The following ANGPTL2 variants were observed in gnomAD, a reference collection of about 807,000 sequenced individuals.
The protein encoded by ANGPTL2 is angiopoietin-related protein 2.
ANGPTL2 carries 25 observed loss-of-function variants against 52.8 expected under a neutral mutation model. The ratio of observed to expected loss-of-function variants is 0.47; its 90% CI spans 0.35 to 0.66. ANGPTL2 has a LOEUF of 0.66. Among genes scored for constraint, ANGPTL2 ranks in the 30% least tolerant of loss-of-function variants. ANGPTL2 has a pLI of 0.01. For synonymous variants in ANGPTL2, 276 were observed against 277.4 expected (o/e 1.00, Z 0.05); for missense variants, 546 against 656.9 (o/e 0.83, Z 1.84).
chr9:127,094,977 A>G (rs1195515667), intron 2 of ANGPTL2, among the ~76,000 whole-genome samples: 1 of 152,230 alleles, frequency 6.6e-6, no homozygotes, highest in African/African-American at 2.4e-5. Flanking sequence ...AACTTGAGTC[A>G]CCAAGGGTCT....
At chr9:127,095,748 G>T (rs1052938294) in intron 2 of ANGPTL2, among the ~76,000 whole-genome samples, 3 of 152,214 alleles carry the variant, frequency 2.0e-5, no homozygotes, top group African/African-American at 7.2e-5. Context: ...TTCCTGGCTG[G>T]TGTTTGGGCT....
Position 127,093,812 on chromosome 9 carries a change from T to C in ANGPTL2, c.932A>G (p.His311Arg), listed in dbSNP as rs760517972. ...RLMQVWCDQR[H>R]DPGGWTVIQR... ...GATGACGGTCCAGCCCCCGGGGTCG[T>C]GTCTCTGGTCGCACCACACCTGCAT... The change falls in exon 3 of 5, where the codon CAC (histidine) becomes CGC (arginine). Residue 311 changes from histidine (H) to arginine (R), a missense_variant. Transcript: ENST00000373425. 6 of 1,613,924 alleles carry C rather than the reference T, an allele frequency of 3.7e-6. No homozygotes were observed. In the African/African-American group the frequency reaches 5.3e-5, roughly 14 times the overall value.
intron 2 of ANGPTL2, among the ~76,000 whole-genome samples, chr9:127,094,899 C>T (rs1359707261): frequency 1.3e-5 from 2 of 152,172 alleles, no homozygotes; most frequent in Non-Finnish European, 2.9e-5. Context: ...CCACCCCTGC[C>T]CATCAACTCT....
intron 1 of ANGPTL2, among the ~76,000 whole-genome samples, chr9:127,120,664 T>TA (rs2055960920): frequency 6.6e-6 from 1 of 151,922 alleles, no homozygotes; most frequent in Non-Finnish European, 1.5e-5. Context: ...CTACTGAAAA[T>TA]ACACACACAC....
chr9:127,115,883 G>T (rs981318335), intron 1 of ANGPTL2, among the ~76,000 whole-genome samples: 11 of 152,208 alleles, frequency 7.2e-5, no homozygotes, highest in Admixed American at 2.0e-4. Context: ...GTTTGTCCTG[G>T]ATGATTCACC....
At chr9:127,115,310 C>T (rs1589567069) in intron 1 of ANGPTL2, among the ~76,000 whole-genome samples, 1 of 152,150 alleles carries the variant, frequency 6.6e-6, no homozygotes, top group East Asian at 1.9e-4. Flanking sequence ...CTGCCTCAAC[C>T]TCCTGAGCAG....
At chr9:127,119,133 C>A (rs997212099) in intron 1 of ANGPTL2, among the ~76,000 whole-genome samples, 1 of 152,172 alleles carries the variant, frequency 6.6e-6, no homozygotes, top group African/African-American at 2.4e-5. Context: ...GCACGTGGAA[C>A]AAGTCAGCCA....
In ANGPTL2 at chr9:127,108,591, C is replaced by T. The variant is rs933882845; in HGVS notation, c.141G>A (p.Ala47=). 1.6e-5 allele frequency: 26 copies of T among 1,613,420 alleles called. No individual in the cohort carries two copies. Among genetic ancestry groups the T allele is most frequent in the Admixed American group, 8.3e-5 (5 of 59,930 alleles). ...AGGTGCACTTGTCCTGGGACTCGCC[C>T]GCCCGCTTGTACCTGTTTAGGTAAA... is the stretch of plus-strand genomic sequence containing the variant. The part of the protein sequence containing the change: ...EFIYLNRYKR[A]GESQDKCTYT... Residue 47 remains alanine, a synonymous_variant, in exon 2 of 5, where the codon GCG becomes GCA. Transcript: ENST00000373425.
At chr9:127,110,966 G>A (rs560201091) in intron 1 of ANGPTL2, among the ~76,000 whole-genome samples, 13 of 152,120 alleles carry the variant, frequency 8.5e-5, no homozygotes, top group African/African-American at 2.4e-4. Context: ...TTTTTAAAAA[G>A]TCAAACGGGG....
intron 1 of ANGPTL2, among the ~76,000 whole-genome samples, chr9:127,118,616 A>G (rs964434990): frequency 2.6e-5 from 4 of 152,034 alleles, no homozygotes; most frequent in Admixed American, 6.5e-5. Flanking sequence ...CTTCTGTAAG[A>G]CGGGGACAGC....
chr9:127,092,838 G>T (rs2052643934), intron 3 of ANGPTL2, among the ~76,000 whole-genome samples: 1 of 152,072 alleles, frequency 6.6e-6, no homozygotes, highest in African/African-American at 2.4e-5. Flanking sequence ...CAGGAGGTGG[G>T]GTGGGGGACA....
At chr9:127,089,722 A>G (rs1169347477) in intron 4 of ANGPTL2, among the ~76,000 whole-genome samples, 1 of 152,260 alleles carries the variant, frequency 6.6e-6, no homozygotes, top group Non-Finnish European at 1.5e-5. Flanking sequence ...ATATTTCCAT[A>G]AAACTCTTGG....
At chr9:127,098,387 C>T (rs540818074) in intron 2 of ANGPTL2, among the ~76,000 whole-genome samples, 50 of 152,230 alleles carry the variant, frequency 3.3e-4, no homozygotes, top group African/African-American at 1.0e-3. Flanking sequence ...CAGAGTGGAG[C>T]GAGTGCTGCG....
At chr9:127,092,083 A>G in intron 3 of ANGPTL2, 143 bp from the exon 4 acceptor site, 1 of 976,624 alleles carries the variant, frequency 1.0e-6, no homozygotes. Flanking sequence ...CCCCTACTCC[A>G]CCTCTTAATC....
intron 2 of ANGPTL2, among the ~76,000 whole-genome samples, chr9:127,094,247 T>G (rs112610667): frequency 6.6e-6 from 1 of 152,132 alleles, no homozygotes; most frequent in Non-Finnish European, 1.5e-5. Flanking sequence ...TTCCCTCATA[T>G]AGTGTTGTCA....
In ANGPTL2 at chr9:127,091,967, T is replaced by A; in HGVS notation, c.1012-27A>T. 1 of 1,607,018 alleles carries A rather than the reference T, an allele frequency of 6.2e-7. No individual in the cohort carries two copies. Among genetic ancestry groups the A allele is most frequent in the Non-Finnish European group, 8.5e-7 (1 of 1,175,056 alleles). On this transcript the variant is annotated intron_variant, in intron 3 of 4. Coordinates refer to ENST00000373425, the MANE Select transcript of ANGPTL2 (RefSeq NM_012098.3). This position sits in a 1 kb window ranked among gnomAD's most constrained non-coding sequence, Gnocchi z 4.3. ...TGGGGAAAACCCAGGAGAGTGTTAA[T>A]GTGGAGCCTGCAGCACCTGCAGCCA...
At chr9:127,093,997 A>G (rs149428564) in intron 2 of ANGPTL2, 71 bp from the exon 3 acceptor site, 3 of 1,539,530 alleles carry the variant, frequency 1.9e-6, no homozygotes, top group African/African-American at 2.7e-5. Flanking sequence ...CTGCACCCCA[A>G]GCAGGCACAA....
At chr9:127,105,032 A>T (rs756398458) in intron 2 of ANGPTL2, among the ~76,000 whole-genome samples, 119 of 152,060 alleles carry the variant, frequency 7.8e-4, no homozygotes, top group Non-Finnish European at 1.4e-3. Flanking sequence ...TTTAGTCCTC[A>T]ACACCAGGAG....
chr9:127,090,110 C>T (rs895432677), intron 4 of ANGPTL2, among the ~76,000 whole-genome samples: 4 of 152,182 alleles, frequency 2.6e-5, no homozygotes, highest in Non-Finnish European at 1.5e-5. Flanking sequence ...TGATTCCAGG[C>T]CACAGGGACC....
Sources: gnomAD v4.1 joint callset for allele counts (sites outside exome capture counted in the v4.1 genomes callset) on GRCh38, gnomAD v4.1.1 for gene constraint, Gnocchi (gnomAD v3.1) non-coding constraint, MANE v1.5 for transcripts, NCBI Gene and HGNC (gene_info 2026-07-23, HGNC 2026-07-21) for gene names.